Variants in MAMDC2 observed in about 807,000 individuals in gnomAD.
The protein encoded by MAMDC2 is MAM domain-containing protein 2.
A neutral mutation model predicts 89.8 loss-of-function variants in MAMDC2; 57 were observed. That is an observed-to-expected ratio of 0.63 (90% CI 0.51 to 0.79). The LOEUF is 0.79. Ranked by LOEUF, MAMDC2 falls within the 30% of genes least tolerant of loss-of-function variation. The pLI is 0.00. For missense variants in MAMDC2, 800 were observed against 820.6 expected, an observed-to-expected ratio of 0.97 and a Z score of 0.31; for synonymous variants, 313 against 293.4, an observed-to-expected ratio of 1.07 and a Z score of -0.68.
intron 7 of MAMDC2, among the ~76,000 whole-genome samples, chr9:70,132,560 TG>T (rs1176124749): frequency 1.3e-5 from 2 of 150,652 alleles, no homozygotes; most frequent in Non-Finnish European, 3.0e-5. Context: ...GAAGGGGAAT[TG>T]GGGGGTCTCG....
intron 12 of MAMDC2, among the ~76,000 whole-genome samples, chr9:70,220,201 A>G (rs1038490930): frequency 1.3e-5 from 2 of 152,192 alleles, no homozygotes; most frequent in African/African-American, 4.8e-5. Context: ...GGGACAGGTA[A>G]CTTATCAGCA....
At chr9:70,212,340 C>T (rs1370407352) in intron 11 of MAMDC2, among the ~76,000 whole-genome samples, 3 of 152,244 alleles carry the variant, frequency 2.0e-5, no homozygotes, top group Admixed American at 6.5e-5. Flanking sequence ...GATGCCCCTT[C>T]CCCAGCCTCG....
chr9:70,048,054 G>C (rs553967722), intron 2 of MAMDC2, among the ~76,000 whole-genome samples: 3 of 145,354 alleles, frequency 2.1e-5, no homozygotes, highest in Admixed American at 6.9e-5. Flanking sequence ...GGAATGCCAG[G>C]TGCACCATAC....
chr9:70,127,773 G>A (rs2030624598), intron 6 of MAMDC2, among the ~76,000 whole-genome samples: 1 of 151,758 alleles, frequency 6.6e-6, no homozygotes, highest in Non-Finnish European at 1.5e-5. Flanking sequence ...ACCAGGTCTC[G>A]ATTTGTTCTT....
At chr9:70,044,263 G>T (rs1293719339) in intron 1 of MAMDC2, 32 bp downstream of exon 1, 1 of 1,607,640 alleles carries the variant, frequency 6.2e-7, no homozygotes, top group African/African-American at 1.3e-5. Context: ...AACCCCGGGG[G>T]CGCTCTGACG....
At chr9:70,130,807 C>CAAAAAAACA (rs2030774449) in intron 6 of MAMDC2, among the ~76,000 whole-genome samples, 1 of 149,092 alleles carries the variant, frequency 6.7e-6, no homozygotes, top group South Asian at 2.1e-4. Flanking sequence ...AACAAAAAAA[C>CAAAAAAACA]AAAAAAAAAC....
intron 2 of MAMDC2, among the ~76,000 whole-genome samples, chr9:70,079,817 G>A (rs1320537943): frequency 2.0e-5 from 3 of 152,142 alleles, no homozygotes; most frequent in African/African-American, 7.2e-5. Flanking sequence ...TTTGACAGGT[G>A]TGCCTTCGGC....
rs1826676184 is a variant in MAMDC2 at position 70,044,247 on chromosome 9, C to T, written c.34+16C>T. 6.2e-7 allele frequency: 1 copy of T among 1,611,764 alleles called. No individual in the cohort carries two copies. The highest frequency in any genetic ancestry group is 8.5e-7 in the Non-Finnish European group (1 of 1,179,804). ...GCGTTGCAAGGTAAGGCCTGGACCCCGGGACAACCCCGGGGGCGCTCTGAC... is the reference window on the plus strand; with the variant it reads ...GCGTTGCAAGGTAAGGCCTGGACCCTGGGACAACCCCGGGGGCGCTCTGAC... On this transcript the variant is annotated intron_variant, in intron 1 of 13. Transcript: ENST00000377182.
intron 2 of MAMDC2, chr9:70,060,486 C>T (rs1293323185): frequency 2.0e-5 from 3 of 152,228 alleles, no homozygotes; most frequent in African/African-American, 7.2e-5. Context: ...ATGCTTTCAT[C>T]CTGCTGTTAT....
chr9:70,161,799 T>C (rs1447257329), intron 9 of MAMDC2, among the ~76,000 whole-genome samples: 1 of 152,234 alleles, frequency 6.6e-6, no homozygotes, highest in African/African-American at 2.4e-5. Context: ...GCTCTGGAAT[T>C]TCACTGACTG....
intron 12 of MAMDC2, among the ~76,000 whole-genome samples, chr9:70,222,528 G>A (rs1326861246): frequency 6.6e-6 from 1 of 152,112 alleles, no homozygotes; most frequent in East Asian, 1.9e-4. Flanking sequence ...CCACTCATTA[G>A]ATCATCCCTG....
At chr9:70,137,117 C>CT (rs147111042) in intron 7 of MAMDC2, among the ~76,000 whole-genome samples, 3,941 of 151,472 alleles carry the variant, frequency 0.026, 69 homozygotes, top group Non-Finnish European at 0.037. Flanking sequence ...TTTACCTAAT[C>CT]TTTTTTTTTG....
At chr9:70,051,891 A>ATAGAT (rs1167260779) in intron 2 of MAMDC2, among the ~76,000 whole-genome samples, 2 of 147,092 alleles carry the variant, frequency 1.4e-5, no homozygotes, top group Non-Finnish European at 3.0e-5. Context: ...ATAGATAGAG[A>ATAGAT]TAGATAGATA....
chr9:70,059,079 T>A (rs1375258963), intron 2 of MAMDC2, among the ~76,000 whole-genome samples: 1 of 152,170 alleles, frequency 6.6e-6, no homozygotes, highest in African/African-American at 2.4e-5. Flanking sequence ...AGTATCCTTA[T>A]ACAAAGAAAA....
chr9:70,113,742 C>G (rs1294841585), intron 5 of MAMDC2: 1 of 152,840 alleles, frequency 6.5e-6, no homozygotes, highest in Non-Finnish European at 1.5e-5. Flanking sequence ...TTGTGGGTTA[C>G]CACTGCTCTC....
At chr9:70,139,575 T>A (rs1197726107) in intron 7 of MAMDC2, among the ~76,000 whole-genome samples, 6 of 152,124 alleles carry the variant, frequency 3.9e-5, no homozygotes, top group Non-Finnish European at 7.3e-5. Flanking sequence ...AGTGCCGCAA[T>A]AAACATACGT....
At chr9:70,204,407 G>T (rs1281230628) in intron 11 of MAMDC2, among the ~76,000 whole-genome samples, 1 of 151,712 alleles carries the variant, frequency 6.6e-6, no homozygotes, top group Non-Finnish European at 1.5e-5. Context: ...GAGGCAGTCT[G>T]CCAGTTCTCA....
chr9:70,154,167 G>A lies in MAMDC2; in HGVS notation c.1404+10348G>A, dbSNP rs1392380749. 3 of 152,342 alleles carry A rather than the reference G, an allele frequency of 2.0e-5. No individual in the cohort carries two copies. The East Asian group carries it at 5.8e-4, about 29-fold the overall frequency. The allele number at this position is 152,342 out of a possible 1,614,324, so 9.4% of individuals were successfully genotyped here. The stretch of plus-strand genomic sequence containing the variant: ...ACTTACCTGTCTCGTTAAATCAGAT[G>A]TAAGCTTCTGGAGAATACGGCTCCA... On this transcript the variant is annotated intron_variant, in intron 9 of 13. Transcript: ENST00000377182.
chr9:70,198,139 A>G (rs914806648), intron 11 of MAMDC2, among the ~76,000 whole-genome samples: 1 of 146,510 alleles, frequency 6.8e-6, no homozygotes, highest in Non-Finnish European at 1.5e-5. Flanking sequence ...TAGTATAGAA[A>G]AAAGCATAGT....
Sources: gnomAD v4.1 joint callset for allele counts (sites outside exome capture counted in the v4.1 genomes callset) on GRCh38, gnomAD v4.1.1 for gene constraint, MANE v1.5 for transcripts, NCBI Gene and HGNC (gene_info 2026-07-23, HGNC 2026-07-21) for gene names.